RPL22: variants seen among roughly 807,000 people sequenced by gnomAD.
RPL22 encodes ribosomal protein L22, also known as large ribosomal subunit protein eL22.
RPL22 carries 4 observed loss-of-function variants against 16.2 expected under a neutral mutation model. The ratio of observed to expected loss-of-function variants is 0.25; its 90% CI spans 0.12 to 0.57. The LOEUF is 0.57. Ranked by LOEUF, RPL22 falls within the 20% of genes least tolerant of loss-of-function variation. RPL22 has a pLI of 0.92. For synonymous variants in RPL22, 43 were observed against 54.8 expected (o/e 0.78, Z 0.95); for missense variants, 83 against 156.1 (o/e 0.53, Z 2.49).
At chr1:6,193,323 ATTTT>A (rs755169791) in intron 2 of RPL22, among the ~76,000 whole-genome samples, 3 of 133,112 alleles carry the variant, frequency 2.3e-5, no homozygotes, top group African/African-American at 2.8e-5. Context: ...TGACTTTACA[ATTTT>A]TTTTTTTTTT....
intron 3 of RPL22, among the ~76,000 whole-genome samples, chr1:6,191,995 T>C (rs1571186382): frequency 1.3e-5 from 2 of 148,730 alleles, no homozygotes; most frequent in African/African-American, 2.5e-5. Flanking sequence ...CAAGACTCGG[T>C]TTCAAAAAAA....
At chr1:6,199,209 G>A (rs1029177645) in intron 1 of RPL22, 4 of 299,768 alleles carry the variant, frequency 1.3e-5, no homozygotes, top group Non-Finnish European at 2.4e-5. Flanking sequence ...AGGGTAGCAG[G>A]TCCCGTTCTT....
chr1:6,187,613 CAAA>C (rs796081884), intron 3 of RPL22, among the ~76,000 whole-genome samples: 2 of 72,684 alleles, frequency 2.8e-5, no homozygotes, highest in African/African-American at 7.7e-5. Flanking sequence ...GACTCCATCT[CAAA>C]AAAAAAAAAA....
intron 1 of RPL22, 89 bp downstream of exon 1, chr1:6,199,473 C>T: frequency 6.6e-7 from 1 of 1,521,146 alleles, no homozygotes; most frequent in Non-Finnish European, 8.9e-7. Flanking sequence ...CTGCAGGGCG[C>T]CGTCCCCAGC....
chr1:6,188,292 G>C (rs1667607455), intron 3 of RPL22, among the ~76,000 whole-genome samples: 1 of 152,004 alleles, frequency 6.6e-6, no homozygotes, highest in African/African-American at 2.4e-5. Context: ...TCAGCCTCCC[G>C]AAGTGCTGGG....
At chr1:6,192,785 C>T (rs1370946879) in intron 3 of RPL22, 145 bp downstream of exon 3, 3 of 935,592 alleles carry the variant, frequency 3.2e-6, no homozygotes, top group Non-Finnish European at 4.9e-6. Context: ...TAATAGCATT[C>T]ATCCACTGCC....
rs375850152 is a variant in RPL22 at position 6,193,147 on chromosome 1, T to G, written c.118-93A>C. The G allele has an allele frequency of 3.3e-6, 5 of 1,498,324 alleles. No individual in the cohort carries two copies. In the African/African-American group the frequency reaches 6.9e-5, roughly 21 times the overall value. The allele number at this position is 1,498,324 out of a possible 1,614,324, so 92.8% of individuals were successfully genotyped here. On this transcript the variant is annotated intron_variant, in intron 2 of 3. Coordinates refer to ENST00000234875, the MANE Select transcript of RPL22 (RefSeq NM_000983.4). ...TCTCCCAACACTGAACTAATATCATTTTTTGTTTTGGTTTTGGAGACAGAG... is the reference window on the plus strand; with the variant it reads ...TCTCCCAACACTGAACTAATATCATGTTTTGTTTTGGTTTTGGAGACAGAG...
At position 6,197,803 on chromosome 1, in the gene RPL22, G is replaced by A. The variant is rs2294712; in HGVS notation, c.13-47C>T. On this transcript the variant is annotated intron_variant, in intron 1 of 3. Coordinates refer to ENST00000234875, the MANE Select transcript of RPL22 (RefSeq NM_000983.4). ...AACAGAGATGAAGTTTCAGTCAGTC[G>A]GAAAAACAAGATTAACAGAACCAGA... 1,339 of 1,318,794 alleles carry A rather than the reference G, an allele frequency of 1.0e-3. 24 individuals are homozygous for A. In the East Asian group the frequency reaches 0.025, roughly 25 times the overall value. The allele number at this position is 1,318,794 out of a possible 1,614,324, so 81.7% of individuals were successfully genotyped here.
At chr1:6,195,828 C>T (rs1047156535) in intron 2 of RPL22, among the ~76,000 whole-genome samples, 1 of 151,938 alleles carries the variant, frequency 6.6e-6, no homozygotes, top group Non-Finnish European at 1.5e-5. Context: ...TTTGGGAGGC[C>T]GAGGTGGGTG....
chr1:6,199,540 C>T lies in RPL22; in HGVS notation c.12+22G>A, dbSNP rs1444453157. On this transcript the variant is annotated intron_variant, in intron 1 of 3. Transcript: ENST00000234875. Reference sequence around the variant, plus strand: ...CCACGTGCCTCCCCTGGAGCCGAGGCCTCACGCGGAGCCATACTAACCACA... The same window carrying T: ...CCACGTGCCTCCCCTGGAGCCGAGGTCTCACGCGGAGCCATACTAACCACA... 11 of 1,558,190 alleles carry T rather than the reference C, an allele frequency of 7.1e-6. No individual in the cohort carries two copies. The Admixed American group carries it at 1.2e-4, about 16-fold the overall frequency.
Position 6,197,926 on chromosome 1 carries a change from G to A in RPL22, c.13-170C>T, listed in dbSNP as rs11800316. 7,291 of 622,006 alleles carry A rather than the reference G, an allele frequency of 0.012. 432 individuals are homozygous for A. In the African/African-American group the frequency reaches 0.12, roughly 10 times the overall value. The allele number at this position is 622,006 out of a possible 1,614,324, so 38.5% of individuals were successfully genotyped here. On this transcript the variant is annotated intron_variant, in intron 1 of 3. Coordinates refer to ENST00000234875, the MANE Select transcript of RPL22 (RefSeq NM_000983.4). The stretch of plus-strand genomic sequence containing the variant: ...AGGCATCACTGCCTGAGTGCCAGAG[G>A]TATAATGGGGCAGATGCTGCTGTAC...
At chr1:6,187,627 C>CAA (rs1211311688) in intron 3 of RPL22, among the ~76,000 whole-genome samples, 4 of 115,512 alleles carry the variant, frequency 3.5e-5, no homozygotes, top group South Asian at 5.7e-4. Flanking sequence ...AAAAAAAAAA[C>CAA]AAAAAAAAAA....
At chr1:6,196,614 C>A (rs1412367462) in intron 2 of RPL22, among the ~76,000 whole-genome samples, 1 of 152,170 alleles carries the variant, frequency 6.6e-6, no homozygotes, top group East Asian at 1.9e-4. Context: ...AAGTCTGAAT[C>A]CCCCAAACAT....
rs191215198 is a variant in RPL22, at chr1:6,188,291, C to T, written c.243-1475G>A. ...CAAGTGTCTGCCCACCTCAGCCTCCCGAAGTGCTGGGATTATAGCTGTGAG... is the reference window on the plus strand; with the variant it reads ...CAAGTGTCTGCCCACCTCAGCCTCCTGAAGTGCTGGGATTATAGCTGTGAG... On this transcript the variant is annotated intron_variant, in intron 3 of 3. Transcript: ENST00000234875. Among the ~76,000 whole-genome samples the T allele has an allele frequency of 4.3e-3, 660 of 152,214 alleles. 6 individuals carry two copies. The highest frequency in any genetic ancestry group is 0.015 in the African/African-American group (631 of 41,518).
chr1:6,199,265 G>T, intron 1 of RPL22: 1 of 557,954 alleles, frequency 1.8e-6, no homozygotes, highest in Non-Finnish European at 2.6e-6. Context: ...GCCGGGGTCC[G>T]AGGACCAGTG....
At chr1:6,194,851 G>A (rs1035900124) in intron 2 of RPL22, among the ~76,000 whole-genome samples, 3 of 152,138 alleles carry the variant, frequency 2.0e-5, no homozygotes, top group African/African-American at 7.2e-5. Flanking sequence ...TCATGCTACT[G>A]CCCTCCAGCC....
intron 3 of RPL22, 37 bp downstream of exon 3, chr1:6,192,893 G>C (rs1225071791): frequency 6.3e-7 from 1 of 1,594,108 alleles, no homozygotes; most frequent in Non-Finnish European, 8.5e-7. Context: ...CTGGGCACTG[G>C]GTGCACGCAG....
intron 1 of RPL22, chr1:6,199,153 T>G: frequency 2.5e-5 from 5 of 199,766 alleles, no homozygotes; most frequent in East Asian, 1.1e-4. Context: ...CTTCCGCGGA[T>G]TCGTCCCCGA....
intron 2 of RPL22, among the ~76,000 whole-genome samples, chr1:6,196,554 G>A (rs993278991): frequency 6.6e-6 from 1 of 152,114 alleles, no homozygotes; most frequent in African/African-American, 2.4e-5. Flanking sequence ...TCAACCTTCT[G>A]GAGAATTTAG....
Sources: allele counts gnomAD v4.1 joint callset (sites outside exome capture counted in the v4.1 genomes callset), GRCh38; gene constraint gnomAD v4.1.1; transcripts MANE v1.5; gene names NCBI Gene and HGNC (gene_info 2026-07-23, HGNC 2026-07-21).